Variants in DYNC1I1 observed in about 807,000 individuals in gnomAD.
DYNC1I1 encodes the protein dynein cytoplasmic 1 intermediate chain 1.
DYNC1I1 carries 43 observed loss-of-function variants against 86.6 expected under a neutral mutation model. The ratio of observed to expected loss-of-function variants is 0.50; its 90% CI spans 0.39 to 0.64. The LOEUF (loss-of-function observed/expected upper bound fraction) is 0.64. Among genes scored for constraint, DYNC1I1 ranks in the 30% least tolerant of loss-of-function variants. The pLI, the probability that DYNC1I1 is intolerant of heterozygous loss-of-function variation, is 0.00. For synonymous variants in DYNC1I1, 262 were observed against 283.7 expected (o/e 0.92, Z 0.77); for missense variants, 604 against 788.8 (o/e 0.77, Z 2.81).
At chr7:95,945,402 A>G (rs1408519839) in intron 6 of DYNC1I1, among the ~76,000 whole-genome samples, 1 of 152,132 alleles carries the variant, frequency 6.6e-6, no homozygotes, top group Non-Finnish European at 1.5e-5. Flanking sequence ...CAAGATTCCC[A>G]ATTTTGCATA....
intron 6 of DYNC1I1, among the ~76,000 whole-genome samples, chr7:95,942,926 G>T (rs557965982): frequency 6.9e-6 from 1 of 145,598 alleles, no homozygotes; most frequent in Non-Finnish European, 1.5e-5. Flanking sequence ...ATACTGAATG[G>T]GCAAAAACTG....
chr7:95,836,527 T>C (rs992681723), intron 5 of DYNC1I1, among the ~76,000 whole-genome samples: 12 of 151,788 alleles, frequency 7.9e-5, no homozygotes, highest in African/African-American at 2.7e-4. Flanking sequence ...CTTGCTAGAT[T>C]GGGGAAGTTC....
At chr7:95,972,670 G>A (rs534001327) in intron 6 of DYNC1I1, among the ~76,000 whole-genome samples, 32 of 152,276 alleles carry the variant, frequency 2.1e-4, no homozygotes, top group African/African-American at 7.7e-4. Context: ...ATCAAAACAA[G>A]TCAGCGAGCA....
At chr7:95,901,048 C>T (rs1584142016) in intron 6 of DYNC1I1, among the ~76,000 whole-genome samples, 1 of 152,142 alleles carries the variant, frequency 6.6e-6, no homozygotes, top group Non-Finnish European at 1.5e-5. Context: ...TGGCATCCTC[C>T]TTTTTAAGCA....
intron 1 of DYNC1I1, among the ~76,000 whole-genome samples, chr7:95,783,648 ACAT>A (rs1211101297): frequency 2.6e-5 from 4 of 152,352 alleles, no homozygotes; most frequent in African/African-American, 7.2e-5. Flanking sequence ...GACTGACCAG[ACAT>A]CAGTGTTACA....
At chr7:95,990,508 T>C (rs1016398433) in intron 9 of DYNC1I1, among the ~76,000 whole-genome samples, 6 of 152,220 alleles carry the variant, frequency 3.9e-5, no homozygotes, top group African/African-American at 1.4e-4. Context: ...TTCTTGCTTA[T>C]GTTAGGAAAC....
At chr7:96,028,097 AACT>A (rs1435374094) in intron 10 of DYNC1I1, 75 bp from the exon 11 acceptor site, 311 of 1,547,864 alleles carry the variant, frequency 2.0e-4, no homozygotes, top group South Asian at 4.9e-4. Flanking sequence ...TTATGTGATG[AACT>A]GTTTTCAGGA....
intron 6 of DYNC1I1, among the ~76,000 whole-genome samples, chr7:95,960,302 T>C (rs1792832466): frequency 6.6e-6 from 1 of 152,138 alleles, no homozygotes; most frequent in Admixed American, 6.5e-5. Context: ...AGATGGAGTT[T>C]CATCTTGTTG....
intron 4 of DYNC1I1, among the ~76,000 whole-genome samples, chr7:95,823,142 A>G (rs776444009): frequency 1.3e-5 from 2 of 152,182 alleles, no homozygotes; most frequent in African/African-American, 4.8e-5. Flanking sequence ...TCTAAAATAT[A>G]GCAGTCTTAT....
At chr7:95,809,546 T>C in intron 2 of DYNC1I1, among the ~76,000 whole-genome samples, 1 of 152,184 alleles carries the variant, frequency 6.6e-6, no homozygotes. Context: ...AACTGTATTA[T>C]GAAAGAGAGA....
intron 5 of DYNC1I1, among the ~76,000 whole-genome samples, chr7:95,868,709 C>T (rs917715181): frequency 1.3e-5 from 2 of 152,086 alleles, no homozygotes; most frequent in Non-Finnish European, 2.9e-5. Context: ...AAATTATGTA[C>T]ATATGACTAC....
chr7:95,868,564 T>C (rs1196678820), intron 5 of DYNC1I1, among the ~76,000 whole-genome samples: 2 of 152,108 alleles, frequency 1.3e-5, no homozygotes, highest in Non-Finnish European at 2.9e-5. Context: ...ACCTTTTTTT[T>C]CTTTTTCTCC....
chr7:95,933,649 C>A (rs1166645604), intron 6 of DYNC1I1, among the ~76,000 whole-genome samples: 1 of 152,100 alleles, frequency 6.6e-6, no homozygotes, highest in Non-Finnish European at 1.5e-5. Flanking sequence ...GATAGACACA[C>A]CATTTGAATC....
At chr7:95,790,949 A>G (rs887826252) in intron 1 of DYNC1I1, among the ~76,000 whole-genome samples, 5 of 152,204 alleles carry the variant, frequency 3.3e-5, no homozygotes, top group South Asian at 2.1e-4. Context: ...AAAATTAGGT[A>G]GGCTTAATTA....
chr7:95,983,626 A>G (rs1793510569), intron 7 of DYNC1I1, among the ~76,000 whole-genome samples: 1 of 152,164 alleles, frequency 6.6e-6, no homozygotes, highest in South Asian at 2.1e-4. Context: ...TCAAGATACA[A>G]TTAGTCCAAT....
chr7:95,798,422 G>A (rs1794498475), intron 1 of DYNC1I1, among the ~76,000 whole-genome samples: 1 of 152,010 alleles, frequency 6.6e-6, no homozygotes, highest in South Asian at 2.1e-4. Flanking sequence ...GAAAGAGGCA[G>A]CTGCATTTTA....
chr7:96,050,353 T>A (rs978059267), intron 14 of DYNC1I1, among the ~76,000 whole-genome samples: 2 of 152,210 alleles, frequency 1.3e-5, no homozygotes, highest in Non-Finnish European at 2.9e-5. Context: ...AGAGAAGTGA[T>A]GATTTTAAAG....
chr7:95,777,026 T>C (rs1220102726), intron 1 of DYNC1I1, among the ~76,000 whole-genome samples: 1 of 152,218 alleles, frequency 6.6e-6, no homozygotes. Context: ...AAAGTCTGTT[T>C]CTTCTCTTCC....
chr7:95,864,830 A>G (rs560933101), intron 5 of DYNC1I1, among the ~76,000 whole-genome samples: 3 of 152,148 alleles, frequency 2.0e-5, no homozygotes, highest in Non-Finnish European at 4.4e-5. Flanking sequence ...AGCCTCTAGA[A>G]TAGCCTGGGA....
Sources: allele counts gnomAD v4.1 joint callset (sites outside exome capture counted in the v4.1 genomes callset), GRCh38; gene constraint gnomAD v4.1.1; transcripts MANE v1.5; gene names NCBI Gene and HGNC (gene_info 2026-07-23, HGNC 2026-07-21).